ADGRA3: variants seen among roughly 807,000 people sequenced by gnomAD.
ADGRA3 encodes G-protein coupled receptor 125.
ADGRA3 carries 56 observed loss-of-function variants against 119.8 expected under a neutral mutation model. That is an observed-to-expected ratio of 0.47 (90% CI 0.38 to 0.58). ADGRA3 has a LOEUF of 0.58. Ranked by LOEUF, ADGRA3 falls within the 20% of genes least tolerant of loss-of-function variation. The pLI, the probability that ADGRA3 is intolerant of heterozygous loss-of-function variation, is 0.00. For missense variants in ADGRA3, 1,516 were observed against 1,649.0 expected (o/e 0.92, Z 1.40); for synonymous variants, 607 against 623.8 (o/e 0.97, Z 0.40).
intron 1 of ADGRA3, among the ~76,000 whole-genome samples, chr4:22,507,583 C>A (rs973056191): frequency 6.6e-6 from 1 of 152,184 alleles, no homozygotes; most frequent in Non-Finnish European, 1.5e-5. Flanking sequence ...TTATCATATT[C>A]GTTTGTTTTG....
intron 1 of ADGRA3, among the ~76,000 whole-genome samples, chr4:22,497,733 G>A (rs1051520977): frequency 7.3e-6 from 1 of 136,472 alleles, no homozygotes; most frequent in Non-Finnish European, 1.5e-5. Context: ...ACGTTACAGT[G>A]AGCCAAGATC....
intron 10 of ADGRA3, among the ~76,000 whole-genome samples, chr4:22,433,574 A>G (rs1947738): frequency 0.67 from 100,898 of 151,452 alleles, 34,334 homozygotes; most frequent in Non-Finnish European, 0.74. Flanking sequence ...ACTCTTCCAC[A>G]GGCTGGCAAA....
intron 10 of ADGRA3, among the ~76,000 whole-genome samples, chr4:22,431,168 T>A (rs1351736434): frequency 6.6e-6 from 1 of 151,638 alleles, no homozygotes; most frequent in East Asian, 1.9e-4. Flanking sequence ...CCACACAGAG[T>A]CCCTACTGGG....
At chr4:22,393,510 GTGAA>G (rs1321408572) in intron 16 of ADGRA3, 1 of 152,090 alleles carries the variant, frequency 6.6e-6, no homozygotes, top group Non-Finnish European at 1.5e-5. Context: ...GGTTAAGAGG[GTGAA>G]CTCAGAAATG....
intron 1 of ADGRA3, among the ~76,000 whole-genome samples, chr4:22,496,186 G>A (rs1019041540): frequency 2.0e-5 from 3 of 152,014 alleles, no homozygotes; most frequent in Non-Finnish European, 4.4e-5. Context: ...GTGAAGATCC[G>A]GAAATCTCCT....
chr4:22,480,907 C>G (rs913289253), intron 1 of ADGRA3, among the ~76,000 whole-genome samples: 1 of 152,028 alleles, frequency 6.6e-6, no homozygotes, highest in Admixed American at 6.6e-5. Flanking sequence ...CTTTGAGGCC[C>G]TAGTATGCCT....
chr4:22,426,113 C>T lies in ADGRA3; in HGVS notation c.1444-1761G>A, dbSNP rs574871859. On this transcript the variant is annotated intron_variant, in intron 10 of 18. Coordinates refer to ENST00000334304, the MANE Select transcript of ADGRA3 (RefSeq NM_145290.4). ...GTTGGCGCTTTTACTGTTTTAATCC[C>T]GAAATTGGCCTCTCTTTTAAGATGA... Among the ~76,000 whole-genome samples the T allele has an allele frequency of 1.3e-4, 20 of 152,208 alleles. No homozygotes were observed. In the South Asian group the frequency reaches 2.1e-3, roughly 16 times the overall value.
intron 1 of ADGRA3, among the ~76,000 whole-genome samples, chr4:22,509,910 T>C (rs56281913): frequency 1.4e-5 from 2 of 147,886 alleles, no homozygotes; most frequent in African/African-American, 2.5e-5. Flanking sequence ...CTCGGGAGGC[T>C]GAGGCAGGAG....
chr4:22,453,255 A>G (rs1463201525), intron 4 of ADGRA3, among the ~76,000 whole-genome samples: 1 of 151,990 alleles, frequency 6.6e-6, no homozygotes, highest in Non-Finnish European at 1.5e-5. Context: ...TCAAGAAGAG[A>G]TTTTAAAAAG....
chr4:22,389,026 C>T, intron 18 of ADGRA3, 62 bp downstream of exon 18: 1 of 1,596,950 alleles, frequency 6.3e-7, no homozygotes, highest in South Asian at 1.1e-5. Flanking sequence ...ACCTGTAATG[C>T]CTAGAAAATA....
At chr4:22,514,627 C>T (rs2109195085) in intron 1 of ADGRA3, 1 of 152,280 alleles carries the variant, frequency 6.6e-6, no homozygotes, top group South Asian at 2.1e-4. Flanking sequence ...AGCCAAGGGA[C>T]TCACATTTCA....
At chr4:22,509,404 G>A (rs1455899830) in intron 1 of ADGRA3, among the ~76,000 whole-genome samples, 3 of 151,816 alleles carry the variant, frequency 2.0e-5, no homozygotes, top group Non-Finnish European at 2.9e-5. Context: ...TCGGGGCGCT[G>A]AGGCAGGAGA....
intron 1 of ADGRA3, among the ~76,000 whole-genome samples, chr4:22,479,782 T>C (rs938405867): frequency 6.6e-6 from 1 of 152,096 alleles, no homozygotes; most frequent in East Asian, 1.9e-4. Context: ...TAAGAAAATG[T>C]GGCACATGTA....
At chr4:22,473,169 T>C (rs1717914999) in intron 2 of ADGRA3, 1 of 152,214 alleles carries the variant, frequency 6.6e-6, no homozygotes, top group African/African-American at 2.4e-5. Context: ...CCACCATGAT[T>C]GTAAGCTTCC....
In ADGRA3 at chr4:22,507,078, A is replaced by AT. The variant is rs1263786542; in HGVS notation, c.257+8449dup. ...CGATGAAACCCCATCTCTACTAAAA[A>AT]TTAAAAAAAAAATTAGCCGGGCATG... On this transcript the variant is annotated intron_variant, in intron 1 of 18. Transcript: ENST00000334304. 1.0e-4 allele frequency among the ~76,000 whole-genome samples: 4 copies of AT among 39,846 alleles called. No homozygotes were observed. The Admixed American group carries it at 1.2e-3, about 12-fold the overall frequency. 26.1% of individuals were successfully genotyped at this position (39,846 alleles called of 152,430 possible). A position where few individuals can be genotyped will look rare whatever the true frequency, so the allele number is the denominator to read the frequency against.
At chr4:22,469,197 C>G (rs1159766442) in intron 2 of ADGRA3, among the ~76,000 whole-genome samples, 1 of 152,128 alleles carries the variant, frequency 6.6e-6, no homozygotes, top group African/African-American at 2.4e-5. Flanking sequence ...TACTGAAAAC[C>G]GAGGACACCC....
intron 1 of ADGRA3, among the ~76,000 whole-genome samples, chr4:22,491,590 C>T (rs1330052873): frequency 6.6e-6 from 1 of 152,136 alleles, no homozygotes; most frequent in African/African-American, 2.4e-5. Flanking sequence ...CCCTCTCTTC[C>T]AACATCCACC....
chr4:22,395,268 ACT>A (rs1714302913), intron 16 of ADGRA3, among the ~76,000 whole-genome samples: 1 of 152,178 alleles, frequency 6.6e-6, no homozygotes, highest in Non-Finnish European at 1.5e-5. Context: ...CTAACTGTAA[ACT>A]CTCACATACT....
chr4:22,489,095 C>T (rs1718537946), intron 1 of ADGRA3, among the ~76,000 whole-genome samples: 1 of 152,112 alleles, frequency 6.6e-6, no homozygotes, highest in Admixed American at 6.5e-5. Flanking sequence ...ACTCACAGTT[C>T]CACATGGCTG....
Sources: gnomAD v4.1 joint callset for allele counts (sites outside exome capture counted in the v4.1 genomes callset) on GRCh38, gnomAD v4.1.1 for gene constraint, MANE v1.5 for transcripts, NCBI Gene and HGNC (gene_info 2026-07-23, HGNC 2026-07-21) for gene names.